KLRC3: variants seen among roughly 807,000 people sequenced by gnomAD.
KLRC3 encodes the protein NKG2-E type II integral membrane protein.
In KLRC3, 16 loss-of-function variants were observed where a neutral mutation model predicts 23.6. That is an observed-to-expected ratio of 0.68 (90% CI 0.46 to 1.03). The LOEUF is 1.03. Among genes scored for constraint, KLRC3 ranks in the 50% least tolerant of loss-of-function variants. The pLI is 0.00. For missense variants in KLRC3, 209 were observed against 232.2 expected (o/e 0.90, Z 0.65); for synonymous variants, 70 against 71.8 (o/e 0.98, Z 0.13).
At chr12:10,415,824 TA>T in intron 5 of KLRC3, 30 bp from the exon 6 acceptor site, 5 of 1,514,690 alleles carry the variant, frequency 3.3e-6, no homozygotes, top group Non-Finnish European at 4.6e-6. Flanking sequence ...ATAATTCTGT[TA>T]CATTTTATGC....
chr12:10,412,854 G>A (rs1545750), intron 6 of KLRC3, among the ~76,000 whole-genome samples: 151,897 of 152,328 alleles, frequency 1, 75,736 homozygotes, highest in East Asian at 1. Flanking sequence ...TCAACATATA[G>A]TTGAATAAAG....
Position 10,416,591 on chromosome 12 carries a change from A to G in KLRC3, c.587+76T>C, listed in dbSNP as rs1863647328. ...CATCTTTCTTCATATCAATGATTCC[A>G]CATAGATTTATTCATATTATTCTTC... On this transcript the variant is annotated intron_variant, in intron 5 of 6. Transcript: ENST00000396439. 5.4e-6 allele frequency: 8 copies of G among 1,470,298 alleles called. No individual in the cohort carries two copies. The Admixed American group carries it at 1.0e-4, about 19-fold the overall frequency. 91.1% of individuals were successfully genotyped at this position (1,470,298 alleles called of 1,614,324 possible).
At chr12:10,416,549 A>G in intron 5 of KLRC3, 118 bp downstream of exon 5, 1 of 1,254,460 alleles carries the variant, frequency 8.0e-7, no homozygotes, top group Non-Finnish European at 1.1e-6. Context: ...TTGTATCAAC[A>G]TTTCACTAAC....
In KLRC3 at chr12:10,412,614, T is replaced by C. The variant is rs777499104; in HGVS notation, c.681A>G (p.Arg227=). Residue 227 remains arginine (R), a splice_region_variant and synonymous_variant, in exon 7 of 7, where the codon AGA becomes AGG. Transcript: ENST00000396439. ...GCCTGGTCAACATGATGAAACCCCG[T>C]CTCTACAAAAAAATACGAAAATTAG... ...SDQCGSSRII[R]RGFIMLTRLV... The C allele has an allele frequency of 7.6e-5, 53 of 700,660 alleles. No homozygotes were observed. The highest frequency in any genetic ancestry group is 2.3e-4 in the Middle Eastern group (1 of 4,334). 43.4% of individuals were successfully genotyped at this position (700,660 alleles called of 1,614,324 possible). A position where few individuals can be genotyped will look rare whatever the true frequency, so the allele number is the denominator to read the frequency against.
At chr12:10,414,401 T>C (rs1168181249) in intron 6 of KLRC3, among the ~76,000 whole-genome samples, 1 of 151,904 alleles carries the variant, frequency 6.6e-6, no homozygotes, top group Admixed American at 6.6e-5. Flanking sequence ...ATATGAATAA[T>C]ATGTTGAATT....
At chr12:10,414,676 G>T (rs1343817862) in intron 6 of KLRC3, among the ~76,000 whole-genome samples, 1 of 149,488 alleles carries the variant, frequency 6.7e-6, no homozygotes, top group Non-Finnish European at 1.5e-5. Context: ...CGAGTTAATG[G>T]GTGCAGCACA....
At chr12:10,416,478 G>C (rs554191665) in intron 5 of KLRC3, among the ~76,000 whole-genome samples, 189 bp downstream of exon 5, 69 of 152,298 alleles carry the variant, frequency 4.5e-4, no homozygotes, top group African/African-American at 1.6e-3. Context: ...AACCAAGAAA[G>C]TTACTAGCTG....
At chr12:10,418,097 T>C (rs1164322308) in intron 4 of KLRC3, among the ~76,000 whole-genome samples, 2 of 152,134 alleles carry the variant, frequency 1.3e-5, no homozygotes, top group Non-Finnish European at 2.9e-5. Flanking sequence ...TAAAATTAAA[T>C]AGTAAAATTT....
rs76170662 is a variant in KLRC3, at chr12:10,413,622, C to T, written c.679-1006G>A. The stretch of plus-strand genomic sequence containing the variant: ...TGAATGATAACATTTAAAAATAAAG[C>T]GGTACTCTTTATTATTATTATTATA... On this transcript the variant is annotated intron_variant, in intron 6 of 6. Transcript: ENST00000396439. 8.1e-3 allele frequency among the ~76,000 whole-genome samples: 1,226 copies of T among 151,952 alleles called. 16 individuals are homozygous for T. The highest frequency in any genetic ancestry group is 0.027 in the African/African-American group (1,138 of 41,456).
intron 6 of KLRC3, chr12:10,415,496 C>T: frequency 2.5e-6 from 2 of 800,874 alleles, no homozygotes; most frequent in East Asian, 2.8e-5. Flanking sequence ...GCAAAATGAG[C>T]CTGACTTAAA....
intron 6 of KLRC3, among the ~76,000 whole-genome samples, chr12:10,414,602 G>T (rs1246688500): frequency 8.2e-6 from 1 of 121,962 alleles, no homozygotes; most frequent in African/African-American, 3.1e-5. Context: ...ACACACAGGG[G>T]ACTGTTGTGG....
Position 10,418,376 on chromosome 12 carries a change from T to A in KLRC3, c.454A>T (p.Ser152Cys), listed in dbSNP as rs1447240527. The A allele has an allele frequency of 1.2e-6, 2 of 1,611,308 alleles. No homozygotes were observed. The highest frequency in any genetic ancestry group is 2.7e-5 in the African/African-American group (2 of 74,836). ...TCTTCATTATCTATACAAAGCAGAC[T>A]AGAAGAGTTCTTTGAAGCACAGGCC... ...LQACASKNSS[S>C]LLCIDNEEEM... Residue 152 changes from serine (S) to cysteine (C), a missense_variant, in exon 4 of 7, where the codon AGT becomes TGT. Coordinates refer to ENST00000396439, the MANE Select transcript of KLRC3 (RefSeq NM_002261.3).
chr12:10,417,313 T>C (rs1420244810), intron 4 of KLRC3, among the ~76,000 whole-genome samples: 2 of 151,860 alleles, frequency 1.3e-5, no homozygotes, highest in Non-Finnish European at 2.9e-5. Context: ...AACTCTGGGA[T>C]TAATGAAAGA....
chr12:10,418,006 C>T (rs963090835), intron 4 of KLRC3, among the ~76,000 whole-genome samples: 3 of 152,136 alleles, frequency 2.0e-5, no homozygotes, highest in Non-Finnish European at 4.4e-5. Context: ...GAGCTGGAAA[C>T]TTATTTCATG....
rs758638736 is a variant in KLRC3 at position 10,416,686 on chromosome 12, C to T, written c.568G>A (p.Gly190Ser). ...SSHHPWVTIN[G>S]LAFKHEIKDS... ...ACTTACTCATGTTTGAAAGCCAAAC[C>T]ATTTATTGTCACCCATGGATGATGA... The change falls in exon 5 of 7, where the codon GGT (glycine) becomes AGT (serine). Residue 190 changes from glycine to serine, a missense_variant. Physicochemically the swap from Gly to Ser is moderately conservative, Grantham distance 56 (BLOSUM62 0). This residue lies in a region of KLRC3 where 17 missense variants were observed against 39.5 expected (regional missense o/e 0.43). Coordinates refer to ENST00000396439, the MANE Select transcript of KLRC3 (RefSeq NM_002261.3). 6.2e-7 allele frequency: 1 copy of T among 1,610,392 alleles called. No homozygotes were observed. Among genetic ancestry groups the T allele is most frequent in the South Asian group, 1.1e-5 (1 of 90,150 alleles).
intron 5 of KLRC3, among the ~76,000 whole-genome samples, 179 bp from the exon 6 acceptor site, chr12:10,415,973 C>T (rs748053606): frequency 5.3e-5 from 8 of 152,152 alleles, no homozygotes; most frequent in African/African-American, 1.2e-4. Flanking sequence ...CCTTCATCCA[C>T]GGGGGATATG....
At chr12:10,416,537 A>C in intron 5 of KLRC3, 130 bp downstream of exon 5, 4 of 1,163,286 alleles carry the variant, frequency 3.4e-6, no homozygotes, top group Non-Finnish European at 3.6e-6. Flanking sequence ...ATTGTAAAAT[A>C]TTTGTATCAA....
At chr12:10,420,232 A>T (rs1246195709) in intron 1 of KLRC3, 132 bp downstream of exon 1, 7 of 1,074,302 alleles carry the variant, frequency 6.5e-6, no homozygotes, top group Non-Finnish European at 2.7e-6. Context: ...CTGATTTCAT[A>T]TTAGAATATT....
chr12:10,418,742 C>T (rs1192101507), intron 3 of KLRC3, among the ~76,000 whole-genome samples: 1 of 152,132 alleles, frequency 6.6e-6, no homozygotes, highest in African/African-American at 2.4e-5. Flanking sequence ...ACACTCCACA[C>T]ATGTCTTGAA....
Sources: gnomAD v4.1 joint callset for allele counts (sites outside exome capture counted in the v4.1 genomes callset) on GRCh38, gnomAD v4.1.1 for gene constraint, gnomAD v4.1.1 regional missense constraint, MANE v1.5 for transcripts, NCBI Gene and HGNC (gene_info 2026-07-23, HGNC 2026-07-21) for gene names.